The following TENM2 variants were observed in gnomAD, a reference collection of about 807,000 sequenced individuals.
The protein encoded by TENM2 is teneurin transmembrane protein 2.
In TENM2, 52 loss-of-function variants were observed where a neutral mutation model predicts 245.2. The observed-to-expected ratio is 0.21, with a 90% CI of 0.17 to 0.27. The LOEUF (loss-of-function observed/expected upper bound fraction) is 0.27. TENM2 is among the 10% of genes least tolerant of loss of function. TENM2 has a pLI of 1.00. For synonymous variants in TENM2, 1,363 were observed against 1,438.9 expected, an observed-to-expected ratio of 0.95 and a Z score of 1.19; for missense variants, 3,046 against 3,666.8, an observed-to-expected ratio of 0.83 and a Z score of 4.37.
intron 7 of TENM2, among the ~76,000 whole-genome samples, chr5:168,078,562 G>C (rs1231369457): frequency 1.3e-5 from 2 of 152,080 alleles, no homozygotes; most frequent in East Asian, 3.8e-4. Context: ...TATGGTTTTA[G>C]GTCTAATATT....
the TENM2 span, among the ~76,000 whole-genome samples, chr5:167,044,773 G>A: frequency 6.6e-6 from 1 of 152,234 alleles, no homozygotes; most frequent in Non-Finnish European, 1.5e-5. Flanking sequence ...ACAGGAAGAT[G>A]AGTTCTGAAA....
At chr5:168,104,537 C>T (rs147129546) in intron 9 of TENM2, among the ~76,000 whole-genome samples, 123 of 152,264 alleles carry the variant, frequency 8.1e-4, no homozygotes, top group African/African-American at 2.6e-3. Flanking sequence ...ACTCCCATCA[C>T]ATCCAAGCGA....
chr5:167,924,614 T>G (rs1777611174), intron 3 of TENM2, among the ~76,000 whole-genome samples: 2 of 152,216 alleles, frequency 1.3e-5, no homozygotes, highest in African/African-American at 2.4e-5. Context: ...CAGAAACATC[T>G]GAAACTTATT....
At chr5:167,139,477 AG>A in the TENM2 span, among the ~76,000 whole-genome samples, 3 of 152,264 alleles carry the variant, frequency 2.0e-5, no homozygotes, top group Non-Finnish European at 2.9e-5. Flanking sequence ...AAAAGAATTT[AG>A]GGCATAAAAC....
Position 167,383,559 on chromosome 5 carries a change from C to A in TENM2, c.502+8086C>A, listed in dbSNP as rs950901564. On this transcript the variant is annotated intron_variant, in intron 2 of 28. Coordinates refer to ENST00000518659, the Ensembl canonical transcript of TENM2. The stretch of plus-strand genomic sequence containing the variant: ...TTGAAATATGTCCCTCTTCCTTTCC[C>A]AACTTTCGTCTTTCCCCCAACATCT... Among the ~76,000 whole-genome samples, 3 of 151,856 alleles carry A rather than the reference C, an allele frequency of 2.0e-5. 1 individual carries two copies. The highest frequency in any genetic ancestry group is 4.8e-5 in the African/African-American group (2 of 41,348).
intron 2 of TENM2, among the ~76,000 whole-genome samples, chr5:167,602,886 T>A (rs1171925333): frequency 6.6e-6 from 1 of 152,102 alleles, no homozygotes; most frequent in Non-Finnish European, 1.5e-5. Context: ...TAAGTGGTCA[T>A]GAGGAGGGCT....
chr5:166,995,029 CACTT>C, the TENM2 span, among the ~76,000 whole-genome samples: 2 of 152,126 alleles, frequency 1.3e-5, no homozygotes, highest in African/African-American at 4.8e-5. Context: ...CTGTTTCAGA[CACTT>C]ACTTGAGAAT....
At chr5:167,222,351 A>G in the TENM2 span, among the ~76,000 whole-genome samples, 4 of 152,320 alleles carry the variant, frequency 2.6e-5, no homozygotes, top group East Asian at 5.8e-4. Flanking sequence ...AGTACTATCT[A>G]TAGAAGACTC....
chr5:167,387,693 T>C (rs181463373), intron 2 of TENM2, among the ~76,000 whole-genome samples: 66 of 152,246 alleles, frequency 4.3e-4, no homozygotes, highest in African/African-American at 1.5e-3. Context: ...GTATGTCCCT[T>C]GTATGCTGAT....
intron 2 of TENM2, among the ~76,000 whole-genome samples, chr5:167,503,338 G>A (rs1453489396): frequency 6.6e-6 from 1 of 151,952 alleles, no homozygotes; most frequent in Non-Finnish European, 1.5e-5. Context: ...CAAATCTAAT[G>A]CTTAACTTAG....
At chr5:167,744,936 G>T (rs1488946005) in intron 2 of TENM2, among the ~76,000 whole-genome samples, 1 of 152,172 alleles carries the variant, frequency 6.6e-6, no homozygotes, top group Non-Finnish European at 1.5e-5. Flanking sequence ...GAACTTGTAT[G>T]TTTGTGACTG....
intron 2 of TENM2, among the ~76,000 whole-genome samples, chr5:167,786,052 A>T (rs928440152): frequency 6.6e-6 from 1 of 151,876 alleles, no homozygotes; most frequent in African/African-American, 2.4e-5. Flanking sequence ...GAGAAATTAA[A>T]CCTCCTTACC....
intron 4 of TENM2, among the ~76,000 whole-genome samples, chr5:167,983,013 C>T (rs1409636599): frequency 6.6e-6 from 1 of 152,074 alleles, no homozygotes; most frequent in Non-Finnish European, 1.5e-5. Flanking sequence ...TAAGTCCATT[C>T]GAAATGGCTG....
At chr5:167,952,522 T>A (rs2151841313) in intron 3 of TENM2, 66 bp from the exon 6 acceptor site, 2 of 1,332,358 alleles carry the variant, frequency 1.5e-6, no homozygotes, top group East Asian at 2.5e-5. Context: ...TCTCCTCCAG[T>A]GGTTTGCAGA....
At chr5:167,530,488 AC>A (rs537805763) in intron 2 of TENM2, among the ~76,000 whole-genome samples, 148 of 152,154 alleles carry the variant, frequency 9.7e-4, no homozygotes, top group Admixed American at 4.6e-3. Context: ...TGTTTTTTAG[AC>A]CCTTATATTT....
rs146411243 is a variant in TENM2 at position 167,709,478 on chromosome 5, A to G, written c.503-166508A>G. Among the ~76,000 whole-genome samples, 135 of 152,308 alleles carry G rather than the reference A, an allele frequency of 8.9e-4. No homozygotes were observed. In the East Asian group the frequency reaches 0.025, roughly 28 times the overall value. ...GAGTACAAATATATACTTAGCTCTA[A>G]TGTCCACAACACTTATAACAGTAAA... On this transcript the variant is annotated intron_variant, in intron 2 of 28. Transcript: ENST00000518659.
At chr5:167,233,852 A>G in the TENM2 span, among the ~76,000 whole-genome samples, 3 of 152,110 alleles carry the variant, frequency 2.0e-5, no homozygotes, top group South Asian at 2.1e-4. Context: ...ACAGGCTCAT[A>G]TGGAAAACAG....
At chr5:167,545,204 A>G (rs577653225) in intron 2 of TENM2, among the ~76,000 whole-genome samples, 9 of 152,194 alleles carry the variant, frequency 5.9e-5, no homozygotes, top group South Asian at 2.1e-4. Flanking sequence ...AATGAACATA[A>G]TACTGCCTTG....
intron 2 of TENM2, among the ~76,000 whole-genome samples, chr5:167,587,441 T>A (rs278012): frequency 0.91 from 138,608 of 152,222 alleles, 63,290 homozygotes; most frequent in East Asian, 0.99. Context: ...TGGCTCTTCA[T>A]TCAAGATCAT....
Sources: allele counts gnomAD v4.1 joint callset (sites outside exome capture counted in the v4.1 genomes callset), GRCh38; gene constraint gnomAD v4.1.1; transcripts MANE v1.5; gene names NCBI Gene and HGNC (gene_info 2026-07-23, HGNC 2026-07-21).